The following PRKN variants were observed in gnomAD, a reference collection of about 807,000 sequenced individuals.
The protein encoded by PRKN is E3 ubiquitin-protein ligase parkin.
A neutral mutation model predicts 59.5 loss-of-function variants in PRKN; 56 were observed. The ratio of observed to expected loss-of-function variants is 0.94; its 90% CI spans 0.76 to 1.18. The LOEUF is 1.18. Ranked by LOEUF, PRKN falls within the 50% of genes most tolerant of loss-of-function variation. The pLI is 0.00. For missense variants in PRKN, 657 were observed against 596.4 expected, an observed-to-expected ratio of 1.10 and a Z score of -1.06; for synonymous variants, 250 against 222.1, an observed-to-expected ratio of 1.13 and a Z score of -1.12.
intron 7 of PRKN, among the ~76,000 whole-genome samples, chr6:161,664,125 TGGA>T (rs1160250758): frequency 6.6e-6 from 1 of 152,206 alleles, no homozygotes; most frequent in African/African-American, 2.4e-5. Flanking sequence ...CAGGAGCTTA[TGGA>T]GGAGAAGTGA....
chr6:162,071,147 T>A (rs1778559750), intron 4 of PRKN, among the ~76,000 whole-genome samples: 1 of 151,500 alleles, frequency 6.6e-6, no homozygotes, highest in Non-Finnish European at 1.5e-5. Flanking sequence ...TATTCGACAT[T>A]TGCAGTTTAA....
chr6:161,850,419 A>C (rs2128222290), intron 6 of PRKN, among the ~76,000 whole-genome samples: 1 of 151,942 alleles, frequency 6.6e-6, no homozygotes, highest in East Asian at 1.9e-4. Context: ...CTCTACTAAA[A>C]ATACAAAAAT....
At chr6:162,228,719 G>T (rs1169730669) in intron 3 of PRKN, among the ~76,000 whole-genome samples, 1 of 152,116 alleles carries the variant, frequency 6.6e-6, no homozygotes, top group African/African-American at 2.4e-5. Flanking sequence ...CATGAAAATT[G>T]ACTCTACCTA....
At chr6:162,015,041 T>C (rs1212494255) in intron 5 of PRKN, among the ~76,000 whole-genome samples, 4 of 152,160 alleles carry the variant, frequency 2.6e-5, no homozygotes, top group African/African-American at 7.2e-5. Context: ...ATTTAAAACA[T>C]ATTATCTTGA....
intron 2 of PRKN, among the ~76,000 whole-genome samples, chr6:162,323,965 A>G (rs1042438595): frequency 6.6e-6 from 1 of 152,100 alleles, no homozygotes; most frequent in Non-Finnish European, 1.5e-5. Context: ...ATAACAGTGC[A>G]ATAGCCAAAA....
At chr6:162,576,237 C>T (rs1192797147) in intron 1 of PRKN, among the ~76,000 whole-genome samples, 2 of 152,104 alleles carry the variant, frequency 1.3e-5, no homozygotes, top group South Asian at 2.1e-4. Context: ...CTGACTCAGT[C>T]TTAAAGTATG....
intron 9 of PRKN, among the ~76,000 whole-genome samples, chr6:161,519,312 G>A (rs766633940): frequency 1.4e-4 from 21 of 152,040 alleles, no homozygotes; most frequent in Non-Finnish European, 2.6e-4. Flanking sequence ...TCATCTAGTC[G>A]AAAATACCAG....
At chr6:161,905,400 T>C (rs567360612) in intron 6 of PRKN, among the ~76,000 whole-genome samples, 80 of 152,332 alleles carry the variant, frequency 5.3e-4, no homozygotes, top group Non-Finnish European at 9.3e-4. Flanking sequence ...ATCTTTTTGC[T>C]GTATGTCTAT....
At chr6:162,004,822 C>T (rs764132019) in intron 5 of PRKN, among the ~76,000 whole-genome samples, 1 of 152,052 alleles carries the variant, frequency 6.6e-6, no homozygotes, top group Non-Finnish European at 1.5e-5. Context: ...CTCAGGCTCA[C>T]ATATGATTAC....
At chr6:161,930,230 T>G (rs1009344559) in intron 6 of PRKN, among the ~76,000 whole-genome samples, 3 of 152,214 alleles carry the variant, frequency 2.0e-5, no homozygotes, top group African/African-American at 7.2e-5. Flanking sequence ...GATGAATGAT[T>G]GCTACATTAT....
At chr6:161,556,483 A>G (rs1780243114) in intron 8 of PRKN, among the ~76,000 whole-genome samples, 1 of 152,210 alleles carries the variant, frequency 6.6e-6, no homozygotes, top group Non-Finnish European at 1.5e-5. Context: ...GATCCTTACT[A>G]AGTTACCTTC....
chr6:161,999,858 A>C (rs1375533387), intron 5 of PRKN, among the ~76,000 whole-genome samples: 3 of 152,142 alleles, frequency 2.0e-5, no homozygotes, highest in African/African-American at 7.2e-5. Context: ...AGCAATAACA[A>C]TAATAATAAA....
At chr6:161,904,533 T>A (rs1336245831) in intron 6 of PRKN, among the ~76,000 whole-genome samples, 1 of 152,066 alleles carries the variant, frequency 6.6e-6, no homozygotes, top group African/African-American at 2.4e-5. Flanking sequence ...GCCAGGACGG[T>A]CTCGATCTCC....
chr6:162,538,368 G>C (rs1284952614), intron 1 of PRKN, among the ~76,000 whole-genome samples: 1 of 152,112 alleles, frequency 6.6e-6, no homozygotes, highest in Non-Finnish European at 1.5e-5. Context: ...CTGCACTGCA[G>C]CCTGGGTGAC....
chr6:161,855,703 C>CTT (rs1793622474), intron 6 of PRKN, among the ~76,000 whole-genome samples: 2 of 152,024 alleles, frequency 1.3e-5, no homozygotes, highest in South Asian at 4.2e-4. Context: ...ACAGATAATC[C>CTT]TTATACCTGT....
At position 162,471,191 on chromosome 6, in the gene PRKN, G is replaced by A. The variant is rs541939182; in HGVS notation, c.8-27718C>T. 1.5e-3 allele frequency among the ~76,000 whole-genome samples: 234 copies of A among 151,852 alleles called. 2 individuals are homozygous for A. The highest frequency in any genetic ancestry group is 5.5e-3 in the African/African-American group (227 of 41,390). On this transcript the variant is annotated intron_variant, in intron 1 of 11. Transcript: ENST00000366898. ...TGGCTCACCGCAACATCCACCTCCC[G>A]GGTTCAAGCGATTCTCCTGCCTCAG...
At position 161,405,406 on chromosome 6, in the gene PRKN, C is replaced by T. The variant is rs908631832; in HGVS notation, c.1084-18529G>A. ...CAGCCTGGCCAACATGGTGAAACCCCGTCTCTACCGAAAATGCACAAATTA... is the reference window on the plus strand; with the variant it reads ...CAGCCTGGCCAACATGGTGAAACCCTGTCTCTACCGAAAATGCACAAATTA... On this transcript the variant is annotated intron_variant, in intron 9 of 11. Transcript: ENST00000366898. The surrounding 1 kb of genome is among the most constrained non-coding windows in gnomAD (Gnocchi z 5.1). 5.9e-5 allele frequency among the ~76,000 whole-genome samples: 9 copies of T among 151,682 alleles called. No homozygotes were observed. Among genetic ancestry groups the T allele is most frequent in the African/African-American group, 1.7e-4 (7 of 41,246 alleles).
At chr6:162,344,964 C>G (rs942164747) in intron 2 of PRKN, among the ~76,000 whole-genome samples, 1 of 152,172 alleles carries the variant, frequency 6.6e-6, no homozygotes, top group Non-Finnish European at 1.5e-5. Context: ...AATCACTATA[C>G]AGAAACAAAG....
At chr6:162,510,237 A>C (rs987188820) in intron 1 of PRKN, among the ~76,000 whole-genome samples, 3 of 152,228 alleles carry the variant, frequency 2.0e-5, no homozygotes, top group Admixed American at 6.5e-5. Flanking sequence ...CAGTTAGATA[A>C]AGTTGAGTAT....
Sources: allele counts gnomAD v4.1 joint callset (sites outside exome capture counted in the v4.1 genomes callset), GRCh38; gene constraint gnomAD v4.1.1; non-coding constraint Gnocchi (gnomAD v3.1); transcripts MANE v1.5; gene names NCBI Gene and HGNC (gene_info 2026-07-23, HGNC 2026-07-21).